Variants in PTPRN2 observed in about 807,000 individuals in gnomAD.
The protein encoded by PTPRN2 is receptor-type tyrosine-protein phosphatase N2.
PTPRN2 carries 74 observed loss-of-function variants against 118.8 expected under a neutral mutation model. That is an observed-to-expected ratio of 0.62 (90% CI 0.52 to 0.76). PTPRN2 has a LOEUF of 0.76. Among genes scored for constraint, PTPRN2 ranks in the 30% least tolerant of loss-of-function variants. PTPRN2 has a pLI of 0.00. For missense variants in PTPRN2, 1,481 were observed against 1,394.4 expected (o/e 1.06, Z -0.99); for synonymous variants, 641 against 608.0 (o/e 1.05, Z -0.80).
intron 4 of PTPRN2, among the ~76,000 whole-genome samples, chr7:158,197,979 C>T (rs1348767061): frequency 6.6e-6 from 1 of 152,184 alleles, no homozygotes; most frequent in Admixed American, 6.5e-5. Flanking sequence ...ATATAAATTA[C>T]CAAGGCTTTT....
At position 158,441,013 on chromosome 7, in the gene PTPRN2, TA is replaced by T. The variant is rs1563295281; in HGVS notation, c.163+48721del. 1.2e-3 allele frequency among the ~76,000 whole-genome samples: 180 copies of T among 146,834 alleles called. 2 individuals carry two copies. Among genetic ancestry groups the T allele is most frequent in the African/African-American group, 4.3e-3 (165 of 38,156 alleles). On this transcript the variant is annotated intron_variant, in intron 2 of 22. Coordinates refer to ENST00000389418, the MANE Select transcript of PTPRN2 (RefSeq NM_002847.5). ...GTGATGGCAGTGATGGGGGTGGTGGTAGTCGTGGTGGTGGTGACAGTGGTAG... is the reference window on the plus strand; with the variant it reads ...GTGATGGCAGTGATGGGGGTGGTGGTGTCGTGGTGGTGGTGACAGTGGTAG...
At chr7:158,518,682 C>G (rs1823749878) in intron 1 of PTPRN2, among the ~76,000 whole-genome samples, 1 of 152,144 alleles carries the variant, frequency 6.6e-6, no homozygotes, top group Admixed American at 6.5e-5. Context: ...AACATTCGAG[C>G]TGATTAAAAA....
At chr7:158,460,945 A>C (rs1048119273) in intron 2 of PTPRN2, among the ~76,000 whole-genome samples, 2 of 152,238 alleles carry the variant, frequency 1.3e-5, no homozygotes, top group Non-Finnish European at 2.9e-5. Flanking sequence ...CTGAAAAGTC[A>C]GCTGATCCAC....
chr7:158,450,687 C>T (rs752371224), intron 2 of PTPRN2, among the ~76,000 whole-genome samples: 13 of 152,146 alleles, frequency 8.5e-5, no homozygotes, highest in Non-Finnish European at 1.6e-4. Context: ...CGAGTCGCCC[C>T]GTCATGGCTA....
chr7:157,997,133 C>G (rs1280419594), intron 11 of PTPRN2, among the ~76,000 whole-genome samples: 1 of 152,242 alleles, frequency 6.6e-6, no homozygotes, highest in African/African-American at 2.4e-5. Flanking sequence ...GTTGGGGGCA[C>G]ATCTGATGGG....
intron 11 of PTPRN2, among the ~76,000 whole-genome samples, chr7:157,981,812 T>G (rs148931988): frequency 0.011 from 1,660 of 152,370 alleles, 51 homozygotes; most frequent in South Asian, 0.068. Context: ...TAACACCAGT[T>G]CCCTATCATA....
chr7:158,405,662 C>T (rs190042451), intron 2 of PTPRN2, among the ~76,000 whole-genome samples: 1 of 152,368 alleles, frequency 6.6e-6, no homozygotes, highest in East Asian at 1.9e-4. Flanking sequence ...AACCAAGATC[C>T]GGCCCTCTAT....
At chr7:157,724,091 G>A (rs1053368740) in intron 12 of PTPRN2, among the ~76,000 whole-genome samples, 1 of 151,682 alleles carries the variant, frequency 6.6e-6, no homozygotes, top group African/African-American at 2.4e-5. Context: ...AAGTGTGCTG[G>A]TGTGGGTGGA....
At chr7:158,379,753 C>A (rs914970189) in intron 2 of PTPRN2, among the ~76,000 whole-genome samples, 1 of 152,144 alleles carries the variant, frequency 6.6e-6, no homozygotes, top group Non-Finnish European at 1.5e-5. Context: ...TGGATGGGGA[C>A]CCCCTAGCTG....
intron 12 of PTPRN2, among the ~76,000 whole-genome samples, chr7:157,733,480 GCA>G (rs1174482715): frequency 3.9e-5 from 2 of 50,950 alleles, no homozygotes; most frequent in Admixed American, 1.9e-4. Flanking sequence ...CATGCGCCCA[GCA>G]CAGTTACTCT....
intron 16 of PTPRN2, 65 bp from the exon 17 acceptor site, chr7:157,595,380 C>G: frequency 1.3e-6 from 2 of 1,481,868 alleles, no homozygotes; most frequent in Admixed American, 3.4e-5. Flanking sequence ...GGTTAGGAAG[C>G]CTGGAGGTTA....
intron 9 of PTPRN2, among the ~76,000 whole-genome samples, chr7:158,128,412 ATTT>A (rs368601500): frequency 9.1e-4 from 137 of 150,980 alleles, no homozygotes; most frequent in Non-Finnish European, 1.7e-3. Context: ...TAACATGATG[ATTT>A]TTTTTTTCTT....
In PTPRN2 at chr7:157,550,526, T is replaced by C. The variant is rs535181458; in HGVS notation, c.2903-1507A>G. ...CGCGAGATGACCACCCCACCTGCCCTGCCTGGCTGGTGGGTCTCCCCACCT... is the reference window on the plus strand; with the variant it reads ...CGCGAGATGACCACCCCACCTGCCCCGCCTGGCTGGTGGGTCTCCCCACCT... On this transcript the variant is annotated intron_variant, in intron 21 of 22. Coordinates refer to ENST00000389418, the MANE Select transcript of PTPRN2 (RefSeq NM_002847.5). The surrounding 1 kb of genome is among the most constrained non-coding windows in gnomAD (Gnocchi z 5.2). Among the ~76,000 whole-genome samples, 44 of 152,328 alleles carry C rather than the reference T, an allele frequency of 2.9e-4. No homozygotes were observed. The highest frequency in any genetic ancestry group is 9.4e-4 in the African/African-American group (39 of 41,590).
At chr7:157,687,720 T>C (rs1797266465) in intron 12 of PTPRN2, among the ~76,000 whole-genome samples, 2 of 152,242 alleles carry the variant, frequency 1.3e-5, no homozygotes, top group African/African-American at 4.8e-5. Context: ...CTAAATTTAC[T>C]AAAAGGCATT....
intron 2 of PTPRN2, among the ~76,000 whole-genome samples, chr7:158,436,952 A>G (rs1411471547): frequency 2.6e-5 from 4 of 152,216 alleles, no homozygotes; most frequent in African/African-American, 9.6e-5. Flanking sequence ...TACCTTTAAA[A>G]TAGCTATATA....
At chr7:157,670,327 G>T (rs1021945443) in intron 13 of PTPRN2, among the ~76,000 whole-genome samples, 4 of 152,238 alleles carry the variant, frequency 2.6e-5, no homozygotes, top group Admixed American at 6.5e-5. Context: ...TTTTCTTAGG[G>T]ACTGCCTCTC....
intron 2 of PTPRN2, among the ~76,000 whole-genome samples, chr7:158,326,651 T>TGC (rs1193601688): frequency 3.9e-5 from 1 of 25,564 alleles, no homozygotes; most frequent in East Asian, 8.1e-4. Flanking sequence ...TTTTCACACA[T>TGC]GCTCACACTC....
In PTPRN2 at chr7:157,946,866, G is replaced by A. The variant is rs772375449; in HGVS notation, c.1724-48129C>T. On this transcript the variant is annotated intron_variant, in intron 11 of 22. Coordinates refer to ENST00000389418, the MANE Select transcript of PTPRN2 (RefSeq NM_002847.5). ...GCACAAACCACCAGTGTGGACGGCC[G>A]GGGCCCGACACTGCCGGAGACCCTC... is the stretch of plus-strand genomic sequence containing the variant. Among the ~76,000 whole-genome samples, 4 of 152,230 alleles carry A rather than the reference G, an allele frequency of 2.6e-5. No homozygotes were observed. In the East Asian group the frequency reaches 5.8e-4, roughly 22 times the overall value.
chr7:158,341,243 G>A (rs139002702), intron 2 of PTPRN2, among the ~76,000 whole-genome samples: 692 of 89,560 alleles, frequency 7.7e-3, no homozygotes, highest in African/African-American at 0.018. Flanking sequence ...CACCATAATT[G>A]GTGACACCTG....
Sources: allele counts gnomAD v4.1 joint callset (sites outside exome capture counted in the v4.1 genomes callset), GRCh38; gene constraint gnomAD v4.1.1; non-coding constraint Gnocchi (gnomAD v3.1); transcripts MANE v1.5; gene names NCBI Gene and HGNC (gene_info 2026-07-23, HGNC 2026-07-21).